Variants in MTREX observed in about 807,000 individuals in gnomAD.
MTREX encodes exosome RNA helicase MTR4.
Under a neutral mutation model 135.4 loss-of-function variants are expected in MTREX, and 76 were observed. That is an observed-to-expected ratio of 0.56 (90% CI 0.47 to 0.68). The LOEUF is 0.68. Among genes scored for constraint, MTREX ranks in the 30% least tolerant of loss-of-function variants. MTREX has a pLI of 0.00. For missense variants in MTREX, 920 were observed against 1,262.1 expected, an observed-to-expected ratio of 0.73 and a Z score of 4.11; for synonymous variants, 404 against 401.6, an observed-to-expected ratio of 1.01 and a Z score of -0.07.
At chr5:55,364,143 A>T (rs780875835) in intron 15 of MTREX, among the ~76,000 whole-genome samples, 4 of 152,184 alleles carry the variant, frequency 2.6e-5, no homozygotes, top group Non-Finnish European at 1.5e-5. Flanking sequence ...AAAAGAAAGA[A>T]TGATACTTTA....
In MTREX at chr5:55,315,762, G is replaced by A. The variant is rs1190901683; in HGVS notation, c.135-6565G>A. Among the ~76,000 whole-genome samples the A allele has an allele frequency of 2.6e-5, 4 of 151,486 alleles. No homozygotes were observed. In the East Asian group the frequency reaches 7.8e-4, roughly 30 times the overall value. On this transcript the variant is annotated intron_variant, in intron 1 of 26. Transcript: ENST00000230640. ...TACTTATGTATAATTGTACAGTGAA[G>A]TATAAGACTGTGGAGCTGGGGGCAG...
chr5:55,315,063 A>G (rs997375044), intron 1 of MTREX, among the ~76,000 whole-genome samples: 4 of 152,194 alleles, frequency 2.6e-5, no homozygotes, highest in Admixed American at 2.6e-4. Flanking sequence ...GTTTGTGGTA[A>G]TCTGTTACAG....
chr5:55,379,340 A>G, intron 18 of MTREX, 145 bp downstream of exon 18: 1 of 542,672 alleles, frequency 1.8e-6, no homozygotes, highest in Non-Finnish European at 3.2e-6. Flanking sequence ...TTTTTGGAAT[A>G]CACCCGGCTA....
intron 21 of MTREX, among the ~76,000 whole-genome samples, chr5:55,405,032 C>T (rs974768590): frequency 6.6e-6 from 1 of 151,928 alleles, no homozygotes; most frequent in Non-Finnish European, 1.5e-5. Flanking sequence ...CCAGGAACCT[C>T]GTGATCCACC....
intron 15 of MTREX, among the ~76,000 whole-genome samples, chr5:55,366,292 CAGTCTGGGTAATACAA>C (rs1750102251): frequency 6.6e-6 from 1 of 152,062 alleles, no homozygotes; most frequent in Non-Finnish European, 1.5e-5. Flanking sequence ...AGTTCAAGAC[CAGTCTGGGTAATACAA>C]TGAGACCTCT....
At chr5:55,424,478 T>C (rs780680356) in intron 26 of MTREX, 25 of 410,078 alleles carry the variant, frequency 6.1e-5, no homozygotes, top group Non-Finnish European at 9.0e-5. Context: ...TCTAGACACC[T>C]CTTTCCTGGC....
At chr5:55,329,036 C>A (rs907352159) in intron 5 of MTREX, among the ~76,000 whole-genome samples, 5 of 152,114 alleles carry the variant, frequency 3.3e-5, no homozygotes, top group Non-Finnish European at 7.4e-5. Flanking sequence ...AGGCTTTCAT[C>A]GTTAAGCATG....
intron 19 of MTREX, among the ~76,000 whole-genome samples, chr5:55,392,751 A>T (rs949180636): frequency 6.6e-6 from 1 of 152,110 alleles, no homozygotes; most frequent in Admixed American, 6.6e-5. Flanking sequence ...ATGGCCTTCT[A>T]GATTTCCAGA....
intron 1 of MTREX, among the ~76,000 whole-genome samples, chr5:55,318,986 A>G (rs1439909919): frequency 6.7e-6 from 1 of 148,670 alleles, no homozygotes; most frequent in Non-Finnish European, 1.5e-5. Context: ...CTTCACTCAA[A>G]TATTCTAAAT....
intron 19 of MTREX, among the ~76,000 whole-genome samples, chr5:55,392,808 G>A (rs936391275): frequency 4.6e-5 from 7 of 152,102 alleles, no homozygotes; most frequent in Non-Finnish European, 1.0e-4. Flanking sequence ...TTACTCCCCA[G>A]CCTTTCCTTT....
At chr5:55,384,299 A>G (rs1441566275) in intron 18 of MTREX, among the ~76,000 whole-genome samples, 2 of 152,212 alleles carry the variant, frequency 1.3e-5, no homozygotes, top group Non-Finnish European at 2.9e-5. Context: ...GGGCTCCTCT[A>G]GTAATTTTCC....
intron 22 of MTREX, among the ~76,000 whole-genome samples, chr5:55,407,384 T>G (rs1750824274): frequency 6.6e-6 from 1 of 152,236 alleles, no homozygotes; most frequent in African/African-American, 2.4e-5. Context: ...CTGATTTATA[T>G]GCTAATGTTA....
At chr5:55,368,906 T>G (rs2112088650) in intron 16 of MTREX, among the ~76,000 whole-genome samples, 1 of 152,330 alleles carries the variant, frequency 6.6e-6, no homozygotes, top group South Asian at 2.1e-4. Context: ...TTGAATTTTT[T>G]TTAAAAACCT....
In MTREX at chr5:55,379,127, G is replaced by A. The variant is rs1220894969; in HGVS notation, c.1984G>A (p.Val662Ile). Residue 662 changes from valine (V) to isoleucine (I), a missense_variant and splice_region_variant, in exon 18 of 27, where the codon GTA (valine) becomes ATA (isoleucine). Transcript: ENST00000230640. ...PFLQPGRLVK[V>I]KNEGDDFGWG... ...CTTACTTGCTTTTCTTTCTTTTTAG[G>A]TAAAGAATGAAGGAGATGACTTTGG... 3.7e-6 allele frequency: 6 copies of A among 1,605,918 alleles called. No individual in the cohort carries two copies. The highest frequency in any genetic ancestry group is 1.3e-5 in the African/African-American group (1 of 74,704).
At chr5:55,352,727 A>G (rs1749848773) in intron 13 of MTREX, among the ~76,000 whole-genome samples, 1 of 152,140 alleles carries the variant, frequency 6.6e-6, no homozygotes, top group Admixed American at 6.5e-5. Context: ...CTAAACCACT[A>G]TTTTTGTTGG....
chr5:55,393,390 A>C (rs1336605296), intron 19 of MTREX, among the ~76,000 whole-genome samples: 1 of 152,238 alleles, frequency 6.6e-6, no homozygotes, highest in African/African-American at 2.4e-5. Context: ...CAAATTAATC[A>C]ATAGCACATT....
In MTREX at chr5:55,394,210, T is replaced by A. The variant is rs191838443; in HGVS notation, c.2182-3206T>A. Among the ~76,000 whole-genome samples the A allele has an allele frequency of 1.3e-3, 204 of 152,362 alleles. 2 individuals carry two copies. The Middle Eastern group carries it at 0.024, about 18-fold the overall frequency. ...ATTATTTTTAATTTTTCTACCTTTT[T>A]AGATGTAGTTAAGTGCATACAAATT... On this transcript the variant is annotated intron_variant, in intron 19 of 26. Transcript: ENST00000230640.
chr5:55,417,690 T>C (rs1750987697), intron 25 of MTREX, among the ~76,000 whole-genome samples: 1 of 152,146 alleles, frequency 6.6e-6, no homozygotes, highest in Non-Finnish European at 1.5e-5. Context: ...ACAATTGTGT[T>C]TCAGCAGCAC....
At position 55,425,126 on chromosome 5, in the gene MTREX, G is replaced by GA. The variant is rs1751138296; in HGVS notation, c.*357dup. On this transcript the variant is annotated 3_prime_UTR_variant, in exon 27 of 27. Transcript: ENST00000230640. Reference sequence around the variant, plus strand: ...TCTTTAAAGGCTTGTACACCAGGAAGAAAGATGCATCCTCTTGCCTTGTGG... The same window carrying GA: ...TCTTTAAAGGCTTGTACACCAGGAAGAAAAGATGCATCCTCTTGCCTTGTGG... The GA allele has an allele frequency of 1.3e-6, 2 of 1,505,540 alleles. No homozygotes were observed. The highest frequency in any genetic ancestry group is 4.3e-5 in the Admixed American group (2 of 46,106). 93.3% of individuals were successfully genotyped at this position (1,505,540 alleles called of 1,614,324 possible).
Sources: gnomAD v4.1 joint callset for allele counts (sites outside exome capture counted in the v4.1 genomes callset) on GRCh38, gnomAD v4.1.1 for gene constraint, MANE v1.5 for transcripts, NCBI Gene and HGNC (gene_info 2026-07-23, HGNC 2026-07-21) for gene names.